The following PTPRD variants were observed in gnomAD, a reference collection of about 807,000 sequenced individuals.
PTPRD encodes the protein protein tyrosine phosphatase receptor type D.
Under a neutral mutation model 214.5 loss-of-function variants are expected in PTPRD, and 34 were observed. The observed-to-expected ratio is 0.16, with a 90% confidence interval of 0.12 to 0.21. The LOEUF (loss-of-function observed/expected upper bound fraction) is 0.21. PTPRD is among the 10% of genes least tolerant of loss of function. PTPRD has a pLI of 1.00. For synonymous variants in PTPRD, 1,128 were observed against 845.7 expected, an observed-to-expected ratio of 1.33 and a Z score of -5.79; for missense variants, 2,545 against 2,398.7, an observed-to-expected ratio of 1.06 and a Z score of -1.27.
rs371822831 is a variant in PTPRD, at chr9:9,227,074, T to C, written c.-202-43711A>G. The stretch of plus-strand genomic sequence containing the variant: ...TTACTCTTATAATACTTTGGTGAAA[T>C]AGGTTAAGAAAGTAATATCAAAATT... On this transcript the variant is annotated intron_variant, in intron 9 of 45. Coordinates refer to ENST00000381196, the MANE Select transcript of PTPRD (RefSeq NM_002839.4). Among the ~76,000 whole-genome samples the C allele has an allele frequency of 4.9e-4, 74 of 152,144 alleles. No homozygotes were observed. In the East Asian group the frequency reaches 7.6e-3, roughly 16 times the overall value.
chr9:8,554,475 C>T (rs1037975114), intron 14 of PTPRD, among the ~76,000 whole-genome samples: 5 of 152,090 alleles, frequency 3.3e-5, no homozygotes, highest in East Asian at 1.9e-4. Flanking sequence ...GGAACTTAAA[C>T]TTGGAGTGTA....
At chr9:10,428,722 G>C (rs1280202600) in intron 2 of PTPRD, among the ~76,000 whole-genome samples, 1 of 152,020 alleles carries the variant, frequency 6.6e-6, no homozygotes, top group East Asian at 1.9e-4. Flanking sequence ...AAAATCTATG[G>C]AATATTCTAT....
intron 8 of PTPRD, among the ~76,000 whole-genome samples, chr9:9,477,651 C>T (rs943736318): frequency 6.6e-6 from 1 of 151,976 alleles, no homozygotes; most frequent in Non-Finnish European, 1.5e-5. Flanking sequence ...AACTGATATC[C>T]GTGCAAGGAA....
At chr9:8,500,464 G>GATGGAGGC (rs1244075766) in intron 24 of PTPRD, among the ~76,000 whole-genome samples, 1 of 144,406 alleles carries the variant, frequency 6.9e-6, no homozygotes, top group Non-Finnish European at 1.5e-5. Flanking sequence ...GAAGACTTTA[G>GATGGAGGC]ATGGAGGCAC....
intron 2 of PTPRD, among the ~76,000 whole-genome samples, chr9:10,344,478 G>C (rs1161537625): frequency 6.6e-6 from 1 of 151,988 alleles, no homozygotes; most frequent in Non-Finnish European, 1.5e-5. Flanking sequence ...CTCCAGCTTT[G>C]TTTCTTTTTG....
intron 7 of PTPRD, among the ~76,000 whole-genome samples, chr9:9,667,347 T>A (rs1209342343): frequency 6.6e-6 from 1 of 152,070 alleles, no homozygotes; most frequent in African/African-American, 2.4e-5. Flanking sequence ...ACTTTCCAAC[T>A]AGATGTTTTA....
intron 3 of PTPRD, among the ~76,000 whole-genome samples, chr9:10,338,039 G>A (rs2096873793): frequency 6.6e-6 from 1 of 151,560 alleles, no homozygotes. Flanking sequence ...AGGTATTAAA[G>A]AGTCATGAAG....
At chr9:8,464,715 CT>C (rs35687233) in intron 32 of PTPRD, among the ~76,000 whole-genome samples, 85 of 148,138 alleles carry the variant, frequency 5.7e-4, no homozygotes, top group Middle Eastern at 3.4e-3. Flanking sequence ...TATCTCTCCC[CT>C]TTTTTTTTTT....
chr9:9,411,318 T>A (rs2075362861), intron 8 of PTPRD, among the ~76,000 whole-genome samples: 1 of 151,316 alleles, frequency 6.6e-6, no homozygotes, highest in South Asian at 2.1e-4. Context: ...TTTTGTCTCA[T>A]AAAATTGTGC....
At chr9:8,712,984 G>C (rs2098376027) in intron 12 of PTPRD, among the ~76,000 whole-genome samples, 1 of 152,198 alleles carries the variant, frequency 6.6e-6, no homozygotes, top group African/African-American at 2.4e-5. Context: ...CTCCCAAAGT[G>C]CTGGGATTAT....
At chr9:10,107,732 T>C (rs964656948) in intron 3 of PTPRD, among the ~76,000 whole-genome samples, 1 of 152,128 alleles carries the variant, frequency 6.6e-6, no homozygotes, top group Non-Finnish European at 1.5e-5. Flanking sequence ...TAGTATGTGC[T>C]AAATAAACAT....
At chr9:9,244,158 C>A (rs1322215926) in intron 9 of PTPRD, among the ~76,000 whole-genome samples, 3 of 152,158 alleles carry the variant, frequency 2.0e-5, no homozygotes, top group African/African-American at 7.2e-5. Context: ...AATGGAAGAA[C>A]ATTCCATGCT....
Position 9,275,964 on chromosome 9 carries a change from G to T in PTPRD, c.-202-92601C>A, listed in dbSNP as rs191489583. On this transcript the variant is annotated intron_variant, in intron 9 of 45. Coordinates refer to ENST00000381196, the MANE Select transcript of PTPRD (RefSeq NM_002839.4). ...TGCCTTATGCTCTAGGGGAAGAAAA[G>T]AAATGGAGAAGAGAACACCTCAACC... is the stretch of plus-strand genomic sequence containing the variant. Among the ~76,000 whole-genome samples the T allele has an allele frequency of 1.9e-3, 286 of 151,312 alleles. 1 individual carries two copies. The highest frequency in any genetic ancestry group is 6.8e-3 in the African/African-American group (280 of 41,384).
At chr9:9,084,029 T>C (rs565245986) in intron 10 of PTPRD, among the ~76,000 whole-genome samples, 1 of 152,244 alleles carries the variant, frequency 6.6e-6, no homozygotes, top group East Asian at 1.9e-4. Flanking sequence ...GAAATACCGT[T>C]TGACCCAGCA....
intron 3 of PTPRD, among the ~76,000 whole-genome samples, chr9:10,051,607 C>A (rs555885328): frequency 5.9e-5 from 9 of 151,934 alleles, no homozygotes; most frequent in South Asian, 2.1e-4. Context: ...CCACTCCCCC[C>A]ACCCCACAAC....
intron 3 of PTPRD, among the ~76,000 whole-genome samples, chr9:10,212,267 G>C (rs1258091809): frequency 6.6e-6 from 1 of 151,990 alleles, no homozygotes; most frequent in Admixed American, 6.6e-5. Flanking sequence ...GGAAGAAGGA[G>C]ACCATAAAAA....
intron 4 of PTPRD, among the ~76,000 whole-genome samples, chr9:9,975,570 C>T (rs564452473): frequency 6.6e-6 from 1 of 152,308 alleles, no homozygotes; most frequent in African/African-American, 2.4e-5. Flanking sequence ...CTTCGTGAAA[C>T]AGAGTACGTA....
intron 6 of PTPRD, among the ~76,000 whole-genome samples, chr9:9,756,644 A>C (rs990943966): frequency 2.0e-5 from 3 of 152,100 alleles, no homozygotes; most frequent in African/African-American, 7.2e-5. Flanking sequence ...ATGTTTTGGA[A>C]CTGGATAGAG....
In PTPRD at chr9:10,200,462, A is replaced by G. The variant is rs184846770; in HGVS notation, c.-545+140501T>C. Among the ~76,000 whole-genome samples the G allele has an allele frequency of 1.3e-3, 192 of 152,266 alleles. 6 individuals are homozygous for G. The South Asian group carries it at 0.037, about 29-fold the overall frequency. ...TAAACAAGGCATAAGACAGTCCCCA[A>G]GAAGAAAGAATTATCTAGGCCAAAA... On this transcript the variant is annotated intron_variant, in intron 3 of 45. Coordinates refer to ENST00000381196, the MANE Select transcript of PTPRD (RefSeq NM_002839.4).
Sources: gnomAD v4.1 joint callset for allele counts (sites outside exome capture counted in the v4.1 genomes callset) on GRCh38, gnomAD v4.1.1 for gene constraint, MANE v1.5 for transcripts, NCBI Gene and HGNC (gene_info 2026-07-23, HGNC 2026-07-21) for gene names.